Variants in ASIC2 observed in about 807,000 individuals in gnomAD.
ASIC2 encodes acid-sensing ion channel 2.
Under a neutral mutation model 57.3 loss-of-function variants are expected in ASIC2, and 25 were observed. The observed-to-expected ratio is 0.44, with a 90% CI of 0.32 to 0.61. ASIC2 has a LOEUF of 0.61. ASIC2 is among the 20% of genes least tolerant of loss of function. ASIC2 has a pLI of 0.06. For synonymous variants in ASIC2, 319 were observed against 307.5 expected (o/e 1.04, Z -0.39); for missense variants, 641 against 738.1 (o/e 0.87, Z 1.52).
chr17:33,177,622 G>A (rs1372150181), intron 1 of ASIC2, among the ~76,000 whole-genome samples: 2 of 152,170 alleles, frequency 1.3e-5, no homozygotes, highest in African/African-American at 4.8e-5. Context: ...CCCATCAGCT[G>A]ACAGCCCGGT....
intron 1 of ASIC2, among the ~76,000 whole-genome samples, chr17:33,441,113 C>A (rs977249980): frequency 1.3e-5 from 2 of 152,070 alleles, no homozygotes; most frequent in African/African-American, 4.8e-5. Flanking sequence ...GGACTACAAC[C>A]ATGTGCTACC....
intron 1 of ASIC2, among the ~76,000 whole-genome samples, chr17:33,130,686 C>T (rs2092342059): frequency 6.6e-6 from 1 of 152,168 alleles, no homozygotes; most frequent in South Asian, 2.1e-4. Flanking sequence ...TCACTTTTTC[C>T]TCCTGGAGGG....
intron 1 of ASIC2, among the ~76,000 whole-genome samples, chr17:33,835,903 C>T (rs1913258973): frequency 6.6e-6 from 1 of 151,286 alleles, no homozygotes; most frequent in Non-Finnish European, 1.5e-5. Flanking sequence ...CTGCCTCAGG[C>T]TCCCAAATTG....
intron 1 of ASIC2, among the ~76,000 whole-genome samples, chr17:33,628,415 C>T (rs1051826824): frequency 2.6e-5 from 4 of 152,038 alleles, no homozygotes; most frequent in Non-Finnish European, 5.9e-5. Flanking sequence ...TCTCAGCCTC[C>T]TGAGTAGCTA....
intron 1 of ASIC2, among the ~76,000 whole-genome samples, chr17:33,822,536 TAGTC>T (rs1179632620): frequency 6.6e-6 from 1 of 152,196 alleles, no homozygotes; most frequent in Admixed American, 6.5e-5. Context: ...CTAATATTCT[TAGTC>T]AGTGATGGCA....
At chr17:33,610,713 T>TAAAA (rs1325123358) in intron 1 of ASIC2, among the ~76,000 whole-genome samples, 1 of 138,638 alleles carries the variant, frequency 7.2e-6, no homozygotes, top group African/African-American at 3.3e-5. Flanking sequence ...AATAAATAAA[T>TAAAA]AAAAAATAAA....
intron 3 of ASIC2, among the ~76,000 whole-genome samples, chr17:33,077,408 C>A (rs1263439816): frequency 6.6e-6 from 1 of 152,166 alleles, no homozygotes; most frequent in South Asian, 2.1e-4. Flanking sequence ...CTTGTGCTAG[C>A]TGCTGCAGAA....
chr17:34,082,940 G>C (rs1043278470), intron 1 of ASIC2, among the ~76,000 whole-genome samples: 2 of 152,094 alleles, frequency 1.3e-5, no homozygotes, highest in African/African-American at 4.8e-5. Flanking sequence ...GGAGCATAAG[G>C]AGATATGCTT....
At chr17:33,144,570 G>A (rs953184060) in intron 1 of ASIC2, among the ~76,000 whole-genome samples, 5 of 152,176 alleles carry the variant, frequency 3.3e-5, no homozygotes, top group African/African-American at 1.2e-4. Flanking sequence ...AAGTGAGAGA[G>A]TCCTAATTTA....
intron 1 of ASIC2, among the ~76,000 whole-genome samples, chr17:34,137,074 C>T (rs1308430240): frequency 6.6e-6 from 1 of 152,230 alleles, no homozygotes; most frequent in Non-Finnish European, 1.5e-5. Context: ...GAATGAATCA[C>T]TCTCGCTCCC....
intron 1 of ASIC2, among the ~76,000 whole-genome samples, chr17:33,852,830 G>C (rs372261460): frequency 1.3e-5 from 2 of 152,194 alleles, no homozygotes; most frequent in African/African-American, 4.8e-5. Context: ...CTTGGAGAGG[G>C]CCGGTGAGCA....
At chr17:33,512,821 T>C (rs2141950220) in intron 1 of ASIC2, among the ~76,000 whole-genome samples, 1 of 152,302 alleles carries the variant, frequency 6.6e-6, no homozygotes, top group East Asian at 1.9e-4. Context: ...TATTTACCCA[T>C]GGGAGGGTGA....
chr17:33,343,554 C>T (rs984715559), intron 1 of ASIC2, among the ~76,000 whole-genome samples: 4 of 152,176 alleles, frequency 2.6e-5, no homozygotes, highest in East Asian at 1.9e-4. Context: ...GGGGAGTCTA[C>T]GGCTTGTTTT....
chr17:33,017,075 G>GA (rs2091810106), intron 8 of ASIC2, among the ~76,000 whole-genome samples: 5 of 152,244 alleles, frequency 3.3e-5, no homozygotes, highest in South Asian at 2.1e-4. Context: ...AGCAGCCGGG[G>GA]CGGCTGGCGT....
intron 1 of ASIC2, among the ~76,000 whole-genome samples, chr17:33,598,569 T>C (rs1449559835): frequency 1.3e-5 from 2 of 152,072 alleles, no homozygotes; most frequent in Admixed American, 6.6e-5. Context: ...CAAAAGAGGA[T>C]TTAAAAAGAA....
At chr17:33,940,329 C>T (rs912698685) in intron 1 of ASIC2, among the ~76,000 whole-genome samples, 1 of 152,194 alleles carries the variant, frequency 6.6e-6, no homozygotes, top group East Asian at 1.9e-4. Context: ...CAGACTGTGC[C>T]ATCCAGCTGC....
At chr17:33,710,618 G>C (rs1028635238) in intron 1 of ASIC2, among the ~76,000 whole-genome samples, 2 of 152,162 alleles carry the variant, frequency 1.3e-5, no homozygotes, top group Non-Finnish European at 2.9e-5. Context: ...TGGACTTTCT[G>C]ATTCTTTTAA....
chr17:33,702,309 G>C (rs1908727970), intron 1 of ASIC2, among the ~76,000 whole-genome samples: 2 of 145,764 alleles, frequency 1.4e-5, no homozygotes, highest in Non-Finnish European at 2.9e-5. Context: ...TGGGGTTAGA[G>C]GGGGGGTATC....
intron 1 of ASIC2, among the ~76,000 whole-genome samples, chr17:33,266,663 T>A (rs1288156244): frequency 6.6e-6 from 1 of 150,696 alleles, no homozygotes; most frequent in African/African-American, 2.4e-5. Flanking sequence ...TACACGTGCA[T>A]CCCCGACGTT....
Sources: gnomAD v4.1 joint callset for allele counts (sites outside exome capture counted in the v4.1 genomes callset) on GRCh38, gnomAD v4.1.1 for gene constraint, MANE v1.5 for transcripts, NCBI Gene and HGNC (gene_info 2026-07-23, HGNC 2026-07-21) for gene names.